FANCL: variants seen among roughly 807,000 people sequenced by gnomAD.
FANCL encodes the protein FA complementation group L.
FANCL carries 69 observed loss-of-function variants against 59.4 expected under a neutral mutation model. The observed-to-expected ratio is 1.16, with a 90% confidence interval of 0.96 to 1.42. The LOEUF (loss-of-function observed/expected upper bound fraction) is 1.42. Among genes scored for constraint, FANCL ranks in the 40% most tolerant of loss-of-function variants. The pLI is 0.00. For synonymous variants in FANCL, 180 were observed against 147.1 expected, an observed-to-expected ratio of 1.22 and a Z score of -1.62; for missense variants, 519 against 447.2, an observed-to-expected ratio of 1.16 and a Z score of -1.45.
At chr2:58,184,503 A>C (rs540355517) in intron 7 of FANCL, among the ~76,000 whole-genome samples, 2 of 152,214 alleles carry the variant, frequency 1.3e-5, no homozygotes, top group South Asian at 4.1e-4. Context: ...AGATCCAAAA[A>C]TTACAACCAG....
At chr2:58,209,016 C>G (rs986260763) in intron 5 of FANCL, among the ~76,000 whole-genome samples, 1 of 152,176 alleles carries the variant, frequency 6.6e-6, no homozygotes, top group Non-Finnish European at 1.5e-5. Flanking sequence ...CTTGCCTTCA[C>G]CATTCCTTCC....
chr2:58,160,096 C>T lies in FANCL; in HGVS notation c.1092+12G>A. 1 of 1,611,400 alleles carries T rather than the reference C, an allele frequency of 6.2e-7. No individual in the cohort carries two copies. Among genetic ancestry groups the T allele is most frequent in the Non-Finnish European group, 8.5e-7 (1 of 1,177,880 alleles). ...GGCACATTTTATGAGATGTGATTAACAATTTGCTTACCTTACTACAATATG... is the reference window on the plus strand; with the variant it reads ...GGCACATTTTATGAGATGTGATTAATAATTTGCTTACCTTACTACAATATG... On this transcript the variant is annotated intron_variant, in intron 13 of 13. Transcript: ENST00000233741.
At chr2:58,175,242 A>C (rs370412981) in intron 7 of FANCL, among the ~76,000 whole-genome samples, 6,970 of 141,216 alleles carry the variant, frequency 0.049, 169 homozygotes, top group Middle Eastern at 0.083. Flanking sequence ...TGAAACTATT[A>C]CAATCAATAG....
intron 2 of FANCL, 24 bp downstream of exon 2, chr2:58,232,030 G>A (rs766120470): frequency 4.5e-5 from 72 of 1,609,336 alleles, no homozygotes; most frequent in East Asian, 4.0e-4. Context: ...AAAAATGCAC[G>A]TTTATAACTA....
At chr2:58,174,647 A>C (rs1364629414) in intron 7 of FANCL, among the ~76,000 whole-genome samples, 1 of 152,180 alleles carries the variant, frequency 6.6e-6, no homozygotes, top group African/African-American at 2.4e-5. Context: ...CAGTGTGTAG[A>C]GGGAAATTTA....
At chr2:58,174,345 G>GCACCA (rs774253715) in intron 7 of FANCL, among the ~76,000 whole-genome samples, 12 of 152,196 alleles carry the variant, frequency 7.9e-5, no homozygotes, top group Non-Finnish European at 1.6e-4. Context: ...ATTTTTCTCA[G>GCACCA]CACCACACCA....
At chr2:58,241,356 G>T, upstream of FANCL, 1 of 1,592,136 alleles carries the variant, frequency 6.3e-7, no homozygotes, top group Non-Finnish European at 8.6e-7. Context: ...TAGACCTGCT[G>T]GGTCCTGCAC....
intron 5 of FANCL, among the ~76,000 whole-genome samples, chr2:58,217,709 G>C (rs1268017545): frequency 6.6e-6 from 1 of 151,476 alleles, no homozygotes; most frequent in East Asian, 1.9e-4. Flanking sequence ...AAAATTTTGA[G>C]GAACAAAAAC....
At chr2:58,206,023 T>C (rs971395457) in intron 5 of FANCL, among the ~76,000 whole-genome samples, 6 of 152,124 alleles carry the variant, frequency 3.9e-5, no homozygotes, top group African/African-American at 7.2e-5. Context: ...ATTATAGTTA[T>C]AGAGACTAAT....
intron 7 of FANCL, among the ~76,000 whole-genome samples, chr2:58,167,897 G>A (rs1287611475): frequency 1.3e-5 from 2 of 151,944 alleles, no homozygotes; most frequent in African/African-American, 2.4e-5. Flanking sequence ...TAAGCTATGC[G>A]ATTAATAGTT....
chr2:58,216,355 C>A (rs1691721537), intron 5 of FANCL, among the ~76,000 whole-genome samples: 1 of 152,110 alleles, frequency 6.6e-6, no homozygotes, highest in African/African-American at 2.4e-5. Context: ...GGCCTCTAAA[C>A]TATTTTATGT....
At chr2:58,199,434 G>C (rs1689773591) in intron 6 of FANCL, among the ~76,000 whole-genome samples, 1 of 151,992 alleles carries the variant, frequency 6.6e-6, no homozygotes, top group African/African-American at 2.4e-5. Context: ...ACATATAGCT[G>C]TCAATTTAAA....
In FANCL at chr2:58,203,341, A is replaced by C. The variant is rs192222066; in HGVS notation, c.471+789T>G. ...CCAGACACATTTTTAAAAAGGACAA[A>C]CACAATTGATCTTTTCATCACTACA... On this transcript the variant is annotated intron_variant, in intron 6 of 13. Coordinates refer to ENST00000233741, the MANE Select transcript of FANCL (RefSeq NM_018062.4). 1.1e-3 allele frequency among the ~76,000 whole-genome samples: 162 copies of C among 151,966 alleles called. 1 individual carries two copies. Among genetic ancestry groups the C allele is most frequent in the African/African-American group, 3.7e-3 (154 of 41,516 alleles).
chr2:58,217,182 A>T (rs1427770295), intron 5 of FANCL, among the ~76,000 whole-genome samples: 93 of 4,766 alleles, frequency 0.02, 1 homozygote, highest in African/African-American at 0.09. Flanking sequence ...ATATATATAT[A>T]TATATATATA....
intron 7 of FANCL, among the ~76,000 whole-genome samples, chr2:58,173,608 G>T (rs1220127517): frequency 2.6e-5 from 4 of 152,074 alleles, no homozygotes; most frequent in Admixed American, 6.5e-5. Context: ...TCACCACCAG[G>T]CCTGCCCGAA....
At chr2:58,222,344 C>T (rs977100936) in intron 4 of FANCL, among the ~76,000 whole-genome samples, 1 of 151,942 alleles carries the variant, frequency 6.6e-6, no homozygotes, top group African/African-American at 2.4e-5. Flanking sequence ...TAAATTCATC[C>T]TCAAGGCTTC....
chr2:58,167,662 C>T (rs963184845), intron 7 of FANCL, among the ~76,000 whole-genome samples: 2 of 152,114 alleles, frequency 1.3e-5, no homozygotes, highest in African/African-American at 4.8e-5. Flanking sequence ...CAAAACATCC[C>T]TGGAACTAGA....
intron 7 of FANCL, among the ~76,000 whole-genome samples, chr2:58,178,716 T>G (rs1010066949): frequency 6.6e-6 from 1 of 152,158 alleles, no homozygotes. Flanking sequence ...AACACTGTAT[T>G]GGAAGTTCTA....
intron 5 of FANCL, among the ~76,000 whole-genome samples, chr2:58,217,199 T>G (rs1366861135): frequency 1.0e-3 from 10 of 9,686 alleles, no homozygotes; most frequent in Admixed American, 8.1e-3. Flanking sequence ...TATATATATA[T>G]ATATATATAT....
Sources: gnomAD v4.1 joint callset for allele counts (sites outside exome capture counted in the v4.1 genomes callset) on GRCh38, gnomAD v4.1.1 for gene constraint, MANE v1.5 for transcripts, NCBI Gene and HGNC (gene_info 2026-07-23, HGNC 2026-07-21) for gene names.